The following NCKAP5 variants were observed in gnomAD, a reference collection of about 807,000 sequenced individuals.
NCKAP5 encodes NCK associated protein 5.
Under a neutral mutation model 167.0 loss-of-function variants are expected in NCKAP5, and 92 were observed. The ratio of observed to expected loss-of-function variants is 0.55; its 90% CI spans 0.47 to 0.66. The LOEUF (loss-of-function observed/expected upper bound fraction) is 0.66. Among genes scored for constraint, NCKAP5 ranks in the 30% least tolerant of loss-of-function variants. The probability of loss-of-function intolerance (pLI) is 0.00; values close to 1 mark genes in which losing one functional copy is unlikely to be tolerated. For synonymous variants in NCKAP5, 891 were observed against 877.4 expected (o/e 1.02, Z -0.27); for missense variants, 2,378 against 2,315.0 (o/e 1.03, Z -0.56).
At chr2:132,867,121 ATT>A (rs11325778) in intron 10 of NCKAP5, among the ~76,000 whole-genome samples, 26 of 149,298 alleles carry the variant, frequency 1.7e-4, no homozygotes, top group South Asian at 1.3e-3. Context: ...TTGTGTAGCT[ATT>A]TTTTTTTTTG....
At chr2:133,472,114 A>G (rs1679388710) in intron 3 of NCKAP5, among the ~76,000 whole-genome samples, 1 of 152,004 alleles carries the variant, frequency 6.6e-6, no homozygotes, top group African/African-American at 2.4e-5. Context: ...AATGCAGCAA[A>G]TCACCCCTTT....
chr2:132,778,723 A>G (rs1475090154), intron 15 of NCKAP5, among the ~76,000 whole-genome samples: 2 of 152,182 alleles, frequency 1.3e-5, no homozygotes, highest in Non-Finnish European at 2.9e-5. Flanking sequence ...GTGGGGGGAA[A>G]TTCTCTTCAA....
At chr2:133,153,422 T>C (rs1222484154) in intron 5 of NCKAP5, among the ~76,000 whole-genome samples, 2 of 152,130 alleles carry the variant, frequency 1.3e-5, no homozygotes. Context: ...GAACTCCCTA[T>C]ACTTTCTGCT....
chr2:133,001,215 C>CTT (rs56110206), intron 6 of NCKAP5, among the ~76,000 whole-genome samples: 24 of 134,420 alleles, frequency 1.8e-4, no homozygotes, highest in African/African-American at 3.3e-4. Context: ...CTTTGACTTA[C>CTT]TTTTTTTTTT....
intron 15 of NCKAP5, among the ~76,000 whole-genome samples, chr2:132,777,407 A>G (rs2104987148): frequency 6.6e-6 from 1 of 152,290 alleles, no homozygotes; most frequent in East Asian, 1.9e-4. Flanking sequence ...TCAATTCACC[A>G]TTGATATAAT....
chr2:133,475,969 G>T (rs144768774), intron 3 of NCKAP5, among the ~76,000 whole-genome samples: 2 of 152,118 alleles, frequency 1.3e-5, no homozygotes, highest in Non-Finnish European at 2.9e-5. Context: ...AAAACAAAAA[G>T]CAGAACAGCA....
chr2:132,956,842 T>C (rs967632240), intron 8 of NCKAP5, among the ~76,000 whole-genome samples: 1 of 152,162 alleles, frequency 6.6e-6, no homozygotes, highest in African/African-American at 2.4e-5. Context: ...CTTGGAGCAC[T>C]TTCTTCTTTA....
chr2:133,586,892 A>T, the NCKAP5 span, among the ~76,000 whole-genome samples: 1 of 152,166 alleles, frequency 6.6e-6, no homozygotes, highest in Admixed American at 6.5e-5. Flanking sequence ...CATGGCCAGC[A>T]AAAGGCATTT....
chr2:133,054,031 T>C (rs920797858), intron 6 of NCKAP5, among the ~76,000 whole-genome samples: 1 of 152,164 alleles, frequency 6.6e-6, no homozygotes, highest in Non-Finnish European at 1.5e-5. Context: ...AGCCAGCCCA[T>C]GTTCCATAAT....
intron 3 of NCKAP5, among the ~76,000 whole-genome samples, chr2:133,477,646 C>T (rs991320050): frequency 8.4e-4 from 128 of 152,232 alleles, no homozygotes; most frequent in African/African-American, 2.9e-3. Context: ...TAAAATAGAA[C>T]AATTATAACC....
At chr2:133,448,697 T>C (rs1053172823) in intron 3 of NCKAP5, among the ~76,000 whole-genome samples, 4 of 152,134 alleles carry the variant, frequency 2.6e-5, no homozygotes, top group African/African-American at 9.7e-5. Context: ...CCAAGTGCAG[T>C]GGCATGATCA....
intron 3 of NCKAP5, among the ~76,000 whole-genome samples, chr2:133,449,830 T>C (rs1424673306): frequency 5.5e-5 from 8 of 146,216 alleles, no homozygotes; most frequent in African/African-American, 2.0e-4. Flanking sequence ...AGTTTCCAGC[T>C]TTTTTTTTTT....
intron 5 of NCKAP5, among the ~76,000 whole-genome samples, chr2:133,179,509 CGAGA>C (rs1034712608): frequency 4.6e-5 from 7 of 151,768 alleles, no homozygotes; most frequent in African/African-American, 1.7e-4. Context: ...TAGATGACAA[CGAGA>C]AGACAGAGAT....
chr2:133,316,185 A>G (rs1228942245), intron 3 of NCKAP5, among the ~76,000 whole-genome samples: 1 of 152,176 alleles, frequency 6.6e-6, no homozygotes, highest in African/African-American at 2.4e-5. Flanking sequence ...AAAACAAACC[A>G]ACTGCCACAA....
intron 3 of NCKAP5, among the ~76,000 whole-genome samples, chr2:133,424,392 A>G (rs1201809940): frequency 6.6e-6 from 1 of 152,202 alleles, no homozygotes; most frequent in Non-Finnish European, 1.5e-5. Flanking sequence ...TCGGAACACC[A>G]TCTTGGAAGT....
At chr2:133,038,775 T>A (rs1039105269) in intron 6 of NCKAP5, among the ~76,000 whole-genome samples, 5 of 151,392 alleles carry the variant, frequency 3.3e-5, no homozygotes, top group African/African-American at 1.2e-4. Flanking sequence ...CCCAGAAAAA[T>A]TAAAAAAAAT....
chr2:133,092,218 G>GA (rs1255134941), intron 6 of NCKAP5, among the ~76,000 whole-genome samples: 5 of 152,340 alleles, frequency 3.3e-5, no homozygotes, highest in Admixed American at 1.3e-4. Flanking sequence ...TCCAATGGCT[G>GA]AAATTGGGCC....
At chr2:132,843,946 C>A (rs940315634) in intron 11 of NCKAP5, among the ~76,000 whole-genome samples, 1 of 152,052 alleles carries the variant, frequency 6.6e-6, no homozygotes, top group Admixed American at 6.6e-5. Flanking sequence ...TGCCTTTCCC[C>A]AATCTGGTAG....
chr2:132,894,262 A>T (rs540379815), intron 8 of NCKAP5, among the ~76,000 whole-genome samples: 1 of 152,336 alleles, frequency 6.6e-6, no homozygotes, highest in East Asian at 1.9e-4. Context: ...AGAATTCAGT[A>T]CAGATTCATC....
Sources: allele counts gnomAD v4.1 joint callset (sites outside exome capture counted in the v4.1 genomes callset), GRCh38; gene constraint gnomAD v4.1.1; transcripts MANE v1.5; gene names NCBI Gene and HGNC (gene_info 2026-07-23, HGNC 2026-07-21).